Variants in TMEM161B observed in about 807,000 individuals in gnomAD.
The protein encoded by TMEM161B is transmembrane protein 161B.
TMEM161B carries 34 observed loss-of-function variants against 61.8 expected under a neutral mutation model. The ratio of observed to expected loss-of-function variants is 0.55; its 90% CI spans 0.42 to 0.73. TMEM161B has a LOEUF of 0.73. Among genes scored for constraint, TMEM161B ranks in the 30% least tolerant of loss-of-function variants. The probability of loss-of-function intolerance (pLI) is 0.00; values close to 1 mark genes in which losing one functional copy is unlikely to be tolerated. For synonymous variants in TMEM161B, 167 were observed against 192.8 expected, an observed-to-expected ratio of 0.87 and a Z score of 1.11; for missense variants, 456 against 558.5, an observed-to-expected ratio of 0.82 and a Z score of 1.85.
intron 3 of TMEM161B, among the ~76,000 whole-genome samples, chr5:88,227,737 A>G (rs1484949318): frequency 1.3e-5 from 2 of 152,242 alleles, no homozygotes; most frequent in East Asian, 3.8e-4. Context: ...CAATCATTTC[A>G]GAGTCACAGG....
chr5:88,250,929 C>G (rs1170516072), intron 1 of TMEM161B: 3 of 152,132 alleles, frequency 2.0e-5, no homozygotes, highest in Non-Finnish European at 2.9e-5. Context: ...AATCAACTTA[C>G]AGAGATCACG....
At chr5:88,232,732 TC>T (rs1006741527) in intron 2 of TMEM161B, among the ~76,000 whole-genome samples, 1 of 152,040 alleles carries the variant, frequency 6.6e-6, no homozygotes, top group African/African-American at 2.4e-5. Flanking sequence ...CGCCACCATG[TC>T]CGGCTAATTT....
chr5:88,243,753 A>T (rs1250259941), intron 1 of TMEM161B, among the ~76,000 whole-genome samples: 1 of 151,850 alleles, frequency 6.6e-6, no homozygotes, highest in Non-Finnish European at 1.5e-5. Context: ...CCTCACCAGC[A>T]TCTGCTATTT....
chr5:88,209,855 C>A (rs533801721), intron 5 of TMEM161B, among the ~76,000 whole-genome samples: 4 of 38,158 alleles, frequency 1.0e-4, no homozygotes, highest in Admixed American at 7.5e-4. Context: ...CATAATCTAT[C>A]ATCTGAACTC....
At chr5:88,216,023 C>T (rs765168884) in intron 5 of TMEM161B, among the ~76,000 whole-genome samples, 6 of 152,064 alleles carry the variant, frequency 3.9e-5, no homozygotes, top group Admixed American at 6.5e-5. Flanking sequence ...TTTGGGAAGC[C>T]GAGACAGAAG....
chr5:88,242,358 C>A (rs1299487581), intron 1 of TMEM161B, among the ~76,000 whole-genome samples: 1 of 146,542 alleles, frequency 6.8e-6, no homozygotes, highest in Non-Finnish European at 1.5e-5. Flanking sequence ...ATATTCCTTG[C>A]TTTATTACTA....
chr5:88,189,919 G>A (rs767572364), exon 13 of TMEM161B: 11 of 607,234 alleles, frequency 1.8e-5, no homozygotes, highest in Non-Finnish European at 2.9e-5. Context: ...CCGGAACTCT[G>A]AGGCCAGTAG....
At chr5:88,239,108 T>C (rs1752329028) in intron 2 of TMEM161B, among the ~76,000 whole-genome samples, 1 of 151,974 alleles carries the variant, frequency 6.6e-6, no homozygotes, top group Non-Finnish European at 1.5e-5. Context: ...CACATTCTGA[T>C]CAGAAAAAGA....
chr5:88,262,194 T>C (rs767794101), intron 1 of TMEM161B, among the ~76,000 whole-genome samples: 12 of 151,936 alleles, frequency 7.9e-5, no homozygotes, highest in Non-Finnish European at 1.6e-4. Context: ...ATTAGGAAAA[T>C]ACAAATTAAA....
chr5:88,238,536 T>A (rs1275852577), intron 2 of TMEM161B, among the ~76,000 whole-genome samples: 2 of 152,030 alleles, frequency 1.3e-5, no homozygotes, highest in Admixed American at 1.3e-4. Context: ...TCCTACACTA[T>A]TCATAGTTGT....
intron 9 of TMEM161B, chr5:88,202,292 T>A (rs1744560399): frequency 3.6e-6 from 1 of 279,786 alleles, no homozygotes; most frequent in Non-Finnish European, 7.2e-6. Context: ...ATTAATAAAC[T>A]GTTTGTTTCC....
At chr5:88,222,821 T>C (rs1749249241) in intron 4 of TMEM161B, among the ~76,000 whole-genome samples, 1 of 152,184 alleles carries the variant, frequency 6.6e-6, no homozygotes, top group Non-Finnish European at 1.5e-5. Context: ...ACTCAAGTGT[T>C]ATATTCCTTG....
downstream of TMEM161B, among the ~76,000 whole-genome samples, chr5:88,193,711 A>G (rs1183877298): frequency 6.6e-6 from 1 of 152,182 alleles, no homozygotes. Flanking sequence ...ACTTAAAATA[A>G]TAACTTCAAT....
At chr5:88,190,215 T>C (rs756546496), downstream of TMEM161B, 1 of 700,930 alleles carries the variant, frequency 1.4e-6, no homozygotes, top group Non-Finnish European at 2.6e-6. Context: ...GGCTGCTCCA[T>C]AAGCTTGCAT....
At chr5:88,252,543 A>T (rs1580703832) in intron 1 of TMEM161B, among the ~76,000 whole-genome samples, 2 of 152,228 alleles carry the variant, frequency 1.3e-5, no homozygotes, top group Non-Finnish European at 2.9e-5. Flanking sequence ...TCAAACTCTG[A>T]ATGTGACTGA....
downstream of TMEM161B, among the ~76,000 whole-genome samples, chr5:88,188,398 G>A (rs973347132): frequency 5.3e-5 from 8 of 151,864 alleles, no homozygotes; most frequent in Non-Finnish European, 8.8e-5. Context: ...TTACAAGAAT[G>A]AGCCAATGTG....
chr5:88,249,442 T>C (rs1351858071), intron 1 of TMEM161B, among the ~76,000 whole-genome samples: 1 of 152,186 alleles, frequency 6.6e-6, no homozygotes, highest in Non-Finnish European at 1.5e-5. Context: ...GACACTGTTA[T>C]TTAACCTCTT....
chr5:88,201,918 G>A (rs1252332376), intron 9 of TMEM161B: 2 of 227,780 alleles, frequency 8.8e-6, no homozygotes, highest in African/African-American at 4.5e-5. Context: ...AAGACAAACT[G>A]GTACCAGGAT....
At chr5:88,252,812 G>A (rs564926961) in intron 1 of TMEM161B, among the ~76,000 whole-genome samples, 169 of 152,308 alleles carry the variant, frequency 1.1e-3, no homozygotes, top group Middle Eastern at 6.8e-3. Flanking sequence ...TTATGTATTG[G>A]AGACTGGTTG....
Sources: allele counts gnomAD v4.1 joint callset (sites outside exome capture counted in the v4.1 genomes callset), GRCh38; gene constraint gnomAD v4.1.1; transcripts MANE v1.5; gene names NCBI Gene and HGNC (gene_info 2026-07-23, HGNC 2026-07-21).